Variants in CDC7 observed in about 807,000 individuals in gnomAD.
CDC7 encodes cell division cycle 7, also known as cell division cycle 7-related protein kinase.
In CDC7, 34 loss-of-function variants were observed where a neutral mutation model predicts 53.5. That is an observed-to-expected ratio of 0.64 (90% confidence interval 0.48 to 0.85). The LOEUF is 0.85. CDC7 is among the 40% of genes least tolerant of loss of function. CDC7 has a pLI of 0.00. For synonymous variants in CDC7, 211 were observed against 222.8 expected, an observed-to-expected ratio of 0.95 and a Z score of 0.47; for missense variants, 594 against 679.7, an observed-to-expected ratio of 0.87 and a Z score of 1.40.
intron 2 of CDC7, among the ~76,000 whole-genome samples, chr1:91,504,658 A>G (rs1046602689): frequency 3.9e-5 from 6 of 152,154 alleles, no homozygotes; most frequent in Non-Finnish European, 5.9e-5. Flanking sequence ...TATTGTCACA[A>G]TGTAATTATT....
chr1:91,513,390 G>A, intron 7 of CDC7, 83 bp downstream of exon 7: 1 of 1,280,184 alleles, frequency 7.8e-7, no homozygotes. Flanking sequence ...AGAATACTAG[G>A]ATAGTACTTA....
chr1:91,520,355 GA>G, intron 11 of CDC7, 76 bp downstream of exon 11: 1 of 1,196,116 alleles, frequency 8.4e-7, no homozygotes, highest in Non-Finnish European at 1.1e-6. Flanking sequence ...AAATTATTGT[GA>G]AATTTTCTTT....
chr1:91,511,607 A>G lies in CDC7; in HGVS notation c.346A>G (p.Asn116Asp), dbSNP rs1046494803. 2.5e-6 allele frequency: 4 copies of G among 1,596,500 alleles called. No individual in the cohort carries two copies. Among genetic ancestry groups the G allele is most frequent in the Non-Finnish European group, 3.4e-6 (4 of 1,166,586 alleles). ...QCLTVAGGQD[N>D]VMGVKYCFRK... ...GCATTTTTCCACTAGGGGGCAAGATAATGTCATGGGAGTTAAATACTGCTT... is the reference window on the plus strand; with the variant it reads ...GCATTTTTCCACTAGGGGGCAAGATGATGTCATGGGAGTTAAATACTGCTT... Residue 116 changes from asparagine (N) to aspartate (D), a missense_variant, in exon 5 of 12, where the codon AAT becomes GAT. Asn to Asp is a conservative substitution (Grantham distance 23). Transcript: ENST00000234626.
At position 91,524,350 on chromosome 1, in the gene CDC7, A is replaced by G. The variant is rs377000211; in HGVS notation, c.1640A>G (p.Asp547Gly). The change falls in exon 12 of 12, where the codon GAT becomes GGT. Residue 547 changes from aspartate to glycine, a missense_variant. By Grantham distance (94) the Asp-to-Gly change is moderately conservative. Coordinates refer to ENST00000234626, the MANE Select transcript of CDC7 (RefSeq NM_003503.4). ...EVPDEAYDLL[D>G]KLLDLNPASR... ...CCTGATGAAGCTTATGACCTGCTTGATAAACTTCTAGATCTAAATCCAGCT... is the reference window on the plus strand; with the variant it reads ...CCTGATGAAGCTTATGACCTGCTTGGTAAACTTCTAGATCTAAATCCAGCT... 17 of 1,613,618 alleles carry G rather than the reference A, an allele frequency of 1.1e-5. No homozygotes were observed. Among genetic ancestry groups the G allele is most frequent in the Middle Eastern group, 3.3e-4 (2 of 6,076 alleles).
At chr1:91,516,997 G>C (rs10782953) in intron 10 of CDC7, among the ~76,000 whole-genome samples, 1 of 151,886 alleles carries the variant, frequency 6.6e-6, no homozygotes, top group African/African-American at 2.4e-5. Context: ...CGCAGGAGGC[G>C]GAAGTTGCAG....
intron 10 of CDC7, among the ~76,000 whole-genome samples, chr1:91,519,778 A>G (rs960116867): frequency 2.0e-5 from 3 of 152,198 alleles, no homozygotes; most frequent in Admixed American, 6.5e-5. Flanking sequence ...TTTTTCCCAC[A>G]TAGCTATTTT....
intron 2 of CDC7, among the ~76,000 whole-genome samples, chr1:91,502,645 A>G (rs772748689): frequency 6.6e-6 from 1 of 152,156 alleles, no homozygotes; most frequent in Non-Finnish European, 1.5e-5. Flanking sequence ...TGAAACTTTA[A>G]TCTTCAGCTG....
intron 9 of CDC7, 21 bp downstream of exon 9, chr1:91,515,018 T>C (rs985142731): frequency 1.1e-5 from 17 of 1,593,254 alleles, no homozygotes; most frequent in Non-Finnish European, 1.3e-5. Context: ...TTGATGGTGT[T>C]ATAAAATCAC....
Position 91,511,660 on chromosome 1 carries a change from T to C in CDC7, c.399T>C (p.Ala133=). ...GGAAGAATGATCATGTAGTTATTGC[T>C]ATGCCATATCTGGAGCATGAGTCGT... ...CFRKNDHVVI[A]MPYLEHESFL... The change falls in exon 5 of 12, where the codon GCT becomes GCC. Residue 133 remains alanine, a synonymous_variant. Coordinates refer to ENST00000234626, the MANE Select transcript of CDC7 (RefSeq NM_003503.4). The C allele has an allele frequency of 6.2e-7, 1 of 1,610,472 alleles. No homozygotes were observed. The highest frequency in any genetic ancestry group is 8.5e-7 in the Non-Finnish European group (1 of 1,177,172).
Position 91,524,297 on chromosome 1 carries a change from T to TA in CDC7, c.1588dup (p.Thr530AsnfsTer8), listed in dbSNP as rs1668149209. On this transcript the variant is annotated frameshift_variant, in exon 12 of 12. Transcript: ENST00000234626. LOFTEE classifies it high-confidence loss of function. ...GTGAGCATTGTTTTGATGAGTATAA[T>TA]ACCAATTTAGAAGGCTGGAATGAGG... 6.2e-7 allele frequency: 1 copy of TA among 1,614,096 alleles called. No homozygotes were observed. The highest frequency in any genetic ancestry group is 8.5e-7 in the Non-Finnish European group (1 of 1,179,974).
intron 11 of CDC7, among the ~76,000 whole-genome samples, 157 bp from the exon 12 acceptor site, chr1:91,523,884 C>CT (rs1376768776): frequency 8.0e-5 from 8 of 99,578 alleles, no homozygotes; most frequent in Admixed American, 3.3e-4. Context: ...ATGTGGTGCT[C>CT]TATCTCATAC....
At position 91,520,952 on chromosome 1, in the gene CDC7, C is replaced by T. The variant is rs1405413968; in HGVS notation, c.1330+673C>T. Reference sequence around the variant, plus strand: ...ACTTCATAGGGCACATAAGAATTATCTCAGCCTTGCTCTGGCCAACAATCT... The same window carrying T: ...ACTTCATAGGGCACATAAGAATTATTTCAGCCTTGCTCTGGCCAACAATCT... On this transcript the variant is annotated intron_variant, in intron 11 of 11. Transcript: ENST00000234626. 2.0e-5 allele frequency among the ~76,000 whole-genome samples: 3 copies of T among 152,218 alleles called. 1 individual carries two copies. The South Asian group carries it at 6.2e-4, about 31-fold the overall frequency.
Position 91,513,214 on chromosome 1 carries a change from T to C in CDC7, c.729T>C (p.Pro243=), listed in dbSNP as rs1487789331. The C allele has an allele frequency of 6.2e-7, 1 of 1,613,520 alleles. No individual in the cohort carries two copies. The highest frequency in any genetic ancestry group is 1.3e-5 in the African/African-American group (1 of 74,864). The change falls in exon 7 of 12, where the codon CCT becomes CCC. Residue 243 remains proline (P), a synonymous_variant. Transcript: ENST00000234626. ...GNKIPLSGPV[P]KELDQQSTTK... is the part of the protein sequence containing the mutation. ...AGATTCCACTGAGTGGCCCAGTACCTAAGGAGCTGGATCAGCAGTCCACCA... is the reference window on the plus strand; with the variant it reads ...AGATTCCACTGAGTGGCCCAGTACCCAAGGAGCTGGATCAGCAGTCCACCA...
chr1:91,511,329 T>G (rs1667275477), intron 4 of CDC7, among the ~76,000 whole-genome samples: 2 of 152,154 alleles, frequency 1.3e-5, no homozygotes. Flanking sequence ...CTTTTCCCTT[T>G]TTTCTCATTC....
intron 2 of CDC7, among the ~76,000 whole-genome samples, chr1:91,503,909 G>T (rs1666835917): frequency 6.6e-6 from 1 of 151,800 alleles, no homozygotes; most frequent in African/African-American, 2.4e-5. Context: ...TATATATCTT[G>T]AATATTGCTC....
intron 2 of CDC7, among the ~76,000 whole-genome samples, chr1:91,504,701 A>C (rs999625305): frequency 5.9e-5 from 9 of 152,278 alleles, no homozygotes; most frequent in African/African-American, 2.2e-4. Flanking sequence ...AGAGTGTCCC[A>C]GTTTGGGCTT....
At chr1:91,508,510 A>C in intron 4 of CDC7, 113 bp downstream of exon 4, 1 of 797,824 alleles carries the variant, frequency 1.3e-6, no homozygotes, top group Non-Finnish European at 1.9e-6. Context: ...TTTTTCAGTC[A>C]AGTGTTTGCA....
Position 91,524,024 on chromosome 1 carries a change from TC to T in CDC7, c.1331-16del, listed in dbSNP as rs747278954. On this transcript the variant is annotated splice_polypyrimidine_tract_variant and intron_variant, in intron 11 of 11. Transcript: ENST00000234626. ...AATGTTTTTTTCTGTTTTTGTTTTT[TC>T]TTCTTTTGCTTTTAGGGAAATCAAT... 2.0e-5 allele frequency: 31 copies of T among 1,557,778 alleles called. No individual in the cohort carries two copies. Among genetic ancestry groups the T allele is most frequent in the Non-Finnish European group, 2.7e-5 (31 of 1,154,974 alleles).
intron 11 of CDC7, among the ~76,000 whole-genome samples, chr1:91,523,134 CATTT>C (rs560621086): frequency 9.8e-4 from 149 of 152,140 alleles, no homozygotes; most frequent in African/African-American, 3.2e-3. Context: ...CATTCAGAAA[CATTT>C]ATTGGGGCTT....
Sources: gnomAD v4.1 joint callset for allele counts (sites outside exome capture counted in the v4.1 genomes callset) on GRCh38, gnomAD v4.1.1 for gene constraint, MANE v1.5 for transcripts, NCBI Gene and HGNC (gene_info 2026-07-23, HGNC 2026-07-21) for gene names.